Variants in ZMYND8 observed in about 807,000 individuals in gnomAD.
ZMYND8 encodes the protein MYND-type zinc finger-containing chromatin reader ZMYND8.
Under a neutral mutation model 140.8 loss-of-function variants are expected in ZMYND8, and 37 were observed. The ratio of observed to expected loss-of-function variants is 0.26; its 90% CI spans 0.20 to 0.35. The LOEUF (loss-of-function observed/expected upper bound fraction) is 0.35, where lower values mean the gene tolerates loss of function less well. ZMYND8 is among the 10% of genes least tolerant of loss of function. The pLI, the probability that ZMYND8 is intolerant of heterozygous loss-of-function variation, is 1.00. For missense variants in ZMYND8, 1,068 were observed against 1,570.0 expected (o/e 0.68, Z 5.40); for synonymous variants, 592 against 597.1 (o/e 0.99, Z 0.12).
At chr20:47,348,989 T>C (rs923014140) in intron 1 of ZMYND8, 3 of 152,182 alleles carry the variant, frequency 2.0e-5, no homozygotes, top group African/African-American at 7.2e-5. Context: ...GCTGGAATTT[T>C]CCATTTGGAA....
chr20:47,308,484 A>C (rs141293343), intron 3 of ZMYND8, among the ~76,000 whole-genome samples: 1 of 151,428 alleles, frequency 6.6e-6, no homozygotes, highest in African/African-American at 2.4e-5. Flanking sequence ...GCCTCCCAAA[A>C]CGCTGGGATT....
At position 47,334,605 on chromosome 20, in the gene ZMYND8, AAT is replaced by A. The variant is rs56937532; in HGVS notation, c.85+13249_85+13250del. ...GCTGCACAACTCTGTGAAAAAAAAA[AAT>A]ATATATATATATATATATATTTTAG... On this transcript the variant is annotated intron_variant, in intron 2 of 22. Transcript: ENST00000471951. Among the ~76,000 whole-genome samples the A allele has an allele frequency of 4.4e-4, 63 of 141,634 alleles. 1 individual carries two copies. The highest frequency in any genetic ancestry group is 6.1e-4 in the African/African-American group (23 of 37,882). The allele number at this position is 141,634 out of a possible 152,430, so 92.9% of individuals were successfully genotyped here. A position where few individuals can be genotyped will look rare whatever the true frequency, so the allele number is the denominator to read the frequency against.
chr20:47,332,434 G>C (rs1429377768), intron 2 of ZMYND8, among the ~76,000 whole-genome samples: 1 of 152,154 alleles, frequency 6.6e-6, no homozygotes, highest in Admixed American at 6.5e-5. Context: ...GTGACTCCAA[G>C]CATGGTGGAT....
At chr20:47,233,205 C>CTTTTTTT (rs1174729822) in intron 16 of ZMYND8, among the ~76,000 whole-genome samples, 4 of 91,366 alleles carry the variant, frequency 4.4e-5, no homozygotes, top group African/African-American at 1.5e-4. Flanking sequence ...CCGCACCAGG[C>CTTTTTTT]TTTTTTTTTT....
At chr20:47,272,985 A>G (rs1212080937) in intron 11 of ZMYND8, among the ~76,000 whole-genome samples, 1 of 152,242 alleles carries the variant, frequency 6.6e-6, no homozygotes, top group African/African-American at 2.4e-5. Context: ...CTAACAGCAG[A>G]TGGCAGTAGG....
chr20:47,348,154 C>T (rs1335182094), intron 1 of ZMYND8: 5 of 554,202 alleles, frequency 9.0e-6, no homozygotes, highest in Admixed American at 3.1e-5. Flanking sequence ...ATTACTATTC[C>T]AGTTGTCATG....
intron 1 of ZMYND8, among the ~76,000 whole-genome samples, chr20:47,355,874 C>T (rs2083193388): frequency 1.4e-5 from 2 of 147,272 alleles, no homozygotes; most frequent in African/African-American, 5.0e-5. Context: ...CAAAAAACTT[C>T]CTCCAAAGCC....
chr20:47,245,966 T>C (rs1568976480), intron 14 of ZMYND8, 42 bp downstream of exon 14: 2 of 1,539,546 alleles, frequency 1.3e-6, no homozygotes, highest in African/African-American at 2.8e-5. Context: ...GGTAGGATTC[T>C]AAACCAAATT....
Position 47,239,039 on chromosome 20 carries a change from G to A in ZMYND8, c.2384C>T (p.Ala795Val), listed in dbSNP as rs773261004. The change falls in exon 15 of 23, where the codon GCC becomes GTC. Residue 795 changes from alanine to valine, a missense_variant. Physicochemically the swap from Ala to Val is moderately conservative, Grantham distance 64 (BLOSUM62 0). Transcript: ENST00000471951. ...GGAGGACGTGCTGGTGGTGGCTGTG[G>A]CGCCAGCCGCGGAAGTTTGGGCGGA... ...RSSAQTSAAG[A>V]TATTSTSSTV... 3 of 1,582,168 alleles carry A rather than the reference G, an allele frequency of 1.9e-6. No individual in the cohort carries two copies. Among genetic ancestry groups the A allele is most frequent in the Middle Eastern group, 1.7e-4 (1 of 5,950 alleles).
At chr20:47,331,777 G>A (rs1322720496) in intron 2 of ZMYND8, among the ~76,000 whole-genome samples, 1 of 152,186 alleles carries the variant, frequency 6.6e-6, no homozygotes, top group Non-Finnish European at 1.5e-5. Context: ...CGCAGCAGAT[G>A]AGGATGGAAA....
intron 11 of ZMYND8, among the ~76,000 whole-genome samples, chr20:47,275,004 G>GGA (rs138261572): frequency 4.6e-5 from 7 of 151,804 alleles, no homozygotes; most frequent in South Asian, 4.2e-4. Flanking sequence ...AGAGAGGGAG[G>GGA]GAGAGAGAGA....
In ZMYND8 at chr20:47,298,912, C is replaced by T. The variant is rs770859888; in HGVS notation, c.270G>A (p.Lys90=). Residue 90 remains lysine, a synonymous_variant, in exon 4 of 23, where the codon AAG becomes AAA. Coordinates refer to ENST00000471951, the MANE Select transcript of ZMYND8 (RefSeq NM_001281775.3). This position sits in a 1 kb window ranked among gnomAD's most constrained non-coding sequence, Gnocchi z 5.0. ...CAACAGGGTCTGTGGTGAGTGGCTGCTTCATATAGTAAAACGGACCATGTC... is the reference window on the plus strand; with the variant it reads ...CAACAGGGTCTGTGGTGAGTGGCTGTTTCATATAGTAAAACGGACCATGTC... ...ELRHGPFYYM[K]QPLTTDPVDV... is the part of the protein sequence containing the mutation. The T allele has an allele frequency of 6.2e-7, 1 of 1,614,144 alleles. No individual in the cohort carries two copies. Among genetic ancestry groups the T allele is most frequent in the Non-Finnish European group, 8.5e-7 (1 of 1,180,030 alleles).
At position 47,222,681 on chromosome 20, in the gene ZMYND8, G is replaced by A. The variant is rs148793549; in HGVS notation, c.3257-1207C>T. Among the ~76,000 whole-genome samples the A allele has an allele frequency of 2.4e-3, 373 of 152,330 alleles. 1 individual carries two copies. Among genetic ancestry groups the A allele is most frequent in the African/African-American group, 8.6e-3 (358 of 41,576 alleles). ...AGGCTCATCAGACACATTCCAGAAC[G>A]GAGGGAAAACACAAAGAGACTTTAC... On this transcript the variant is annotated intron_variant, in intron 19 of 22. Coordinates refer to ENST00000471951, the MANE Select transcript of ZMYND8 (RefSeq NM_001281775.3).
chr20:47,221,150 G>A (rs1191636224), intron 20 of ZMYND8, among the ~76,000 whole-genome samples, 164 bp downstream of exon 20: 2 of 152,074 alleles, frequency 1.3e-5, no homozygotes, highest in Non-Finnish European at 2.9e-5. Flanking sequence ...TCCCACACAC[G>A]CCGGCCCAGG....
intron 2 of ZMYND8, among the ~76,000 whole-genome samples, chr20:47,335,540 T>G (rs761883699): frequency 6.6e-6 from 1 of 152,116 alleles, no homozygotes; most frequent in Non-Finnish European, 1.5e-5. Flanking sequence ...CAATAAAAAG[T>G]ACCCAGATCT....
At chr20:47,305,442 T>C (rs1480427480) in intron 3 of ZMYND8, among the ~76,000 whole-genome samples, 2 of 151,916 alleles carry the variant, frequency 1.3e-5, no homozygotes, top group Admixed American at 6.6e-5. Context: ...GGTTTCACCA[T>C]GTTGCCCAGG....
At chr20:47,339,698 G>A (rs540994106) in intron 2 of ZMYND8, among the ~76,000 whole-genome samples, 37 of 152,084 alleles carry the variant, frequency 2.4e-4, no homozygotes, top group African/African-American at 8.7e-4. Context: ...GGATGGTCTC[G>A]ATCTCCTTAC....
intron 21 of ZMYND8, 45 bp from the exon 22 acceptor site, chr20:47,212,770 G>C: frequency 6.5e-7 from 1 of 1,539,012 alleles, no homozygotes; most frequent in East Asian, 2.3e-5. Flanking sequence ...CAGAGAGCTG[G>C]AATTCCGCAC....
At chr20:47,236,989 C>T (rs2039317694) in intron 15 of ZMYND8, among the ~76,000 whole-genome samples, 2 of 152,178 alleles carry the variant, frequency 1.3e-5, no homozygotes, top group South Asian at 4.1e-4. Context: ...TTTAAAATGT[C>T]CAGTCACCCC....
Sources: allele counts gnomAD v4.1 joint callset (sites outside exome capture counted in the v4.1 genomes callset), GRCh38; gene constraint gnomAD v4.1.1; non-coding constraint Gnocchi (gnomAD v3.1); transcripts MANE v1.5; gene names NCBI Gene and HGNC (gene_info 2026-07-23, HGNC 2026-07-21).